DOCK9: variants seen among roughly 807,000 people sequenced by gnomAD.
The protein encoded by DOCK9 is dedicator of cytokinesis 9.
A neutral mutation model predicts 263.3 loss-of-function variants in DOCK9; 89 were observed. The ratio of observed to expected loss-of-function variants is 0.34; its 90% CI spans 0.28 to 0.40. The LOEUF is 0.40. DOCK9 is among the 10% of genes least tolerant of loss of function. The probability of loss-of-function intolerance (pLI) is 1.00; values close to 1 mark genes in which losing one functional copy is unlikely to be tolerated. For missense variants in DOCK9, 2,140 were observed against 2,603.4 expected (o/e 0.82, Z 3.87); for synonymous variants, 976 against 973.1 (o/e 1.00, Z -0.06).
chr13:99,043,891 C>G (rs986770749), intron 1 of DOCK9, among the ~76,000 whole-genome samples: 1 of 152,150 alleles, frequency 6.6e-6, no homozygotes, highest in South Asian at 2.1e-4. Context: ...CAGGACAATA[C>G]TGGTGTGACC....
At chr13:99,020,201 C>T (rs1885917264) in intron 1 of DOCK9, among the ~76,000 whole-genome samples, 1 of 152,188 alleles carries the variant, frequency 6.6e-6, no homozygotes. Flanking sequence ...GGAGAGAACT[C>T]AACAAGAAAT....
intron 45 of DOCK9, among the ~76,000 whole-genome samples, chr13:98,814,660 C>T (rs2091644074): frequency 6.6e-6 from 1 of 152,110 alleles, no homozygotes; most frequent in South Asian, 2.1e-4. Flanking sequence ...CCCATCTCGG[C>T]CTCCCTAAGT....
intron 1 of DOCK9, among the ~76,000 whole-genome samples, chr13:99,033,931 G>A (rs746285944): frequency 6.6e-6 from 1 of 152,100 alleles, no homozygotes; most frequent in African/African-American, 2.4e-5. Flanking sequence ...AACTTCAGGG[G>A]GTCTGTGACA....
intron 27 of DOCK9, among the ~76,000 whole-genome samples, chr13:98,872,775 C>A (rs1386665305): frequency 4.6e-5 from 7 of 152,176 alleles, no homozygotes; most frequent in Non-Finnish European, 1.0e-4. Flanking sequence ...CTATAATCTG[C>A]ATGTTTACCT....
chr13:99,074,374 T>C (rs971685527), intron 1 of DOCK9, among the ~76,000 whole-genome samples: 6 of 152,246 alleles, frequency 3.9e-5, no homozygotes, highest in African/African-American at 1.4e-4. Flanking sequence ...TCAATGTCTA[T>C]GGTATTACAC....
chr13:98,833,776 C>A (rs1288160992), intron 39 of DOCK9, among the ~76,000 whole-genome samples: 2 of 152,194 alleles, frequency 1.3e-5, no homozygotes, highest in African/African-American at 2.4e-5. Context: ...CTTTTATTTT[C>A]CAATCACTTT....
At chr13:98,843,078 G>T (rs1284419103) in intron 38 of DOCK9, among the ~76,000 whole-genome samples, 1 of 152,180 alleles carries the variant, frequency 6.6e-6, no homozygotes, top group Non-Finnish European at 1.5e-5. Flanking sequence ...GCTCCCTGCT[G>T]GTCAAGCTGA....
At position 98,820,456 on chromosome 13, in the gene DOCK9, G is replaced by C. The variant is rs149242811; in HGVS notation, c.5130+3942C>G. On this transcript the variant is annotated intron_variant, in intron 45 of 52. Coordinates refer to ENST00000682017, the MANE Select transcript of DOCK9 (RefSeq NM_001366683.2). ...TCCCAAGAGAGGGTTCTTGGACCTA[G>C]TGTAAGAAAGAATTCAGGGCAAGTC... Among the ~76,000 whole-genome samples the C allele has an allele frequency of 9.8e-4, 150 of 152,308 alleles. 1 individual carries two copies. Among genetic ancestry groups the C allele is most frequent in the African/African-American group, 3.4e-3 (141 of 41,566 alleles).
chr13:98,947,062 T>G (rs1041190782), intron 2 of DOCK9, among the ~76,000 whole-genome samples: 9 of 152,346 alleles, frequency 5.9e-5, no homozygotes, highest in African/African-American at 2.2e-4. Context: ...CTCTCAGGGC[T>G]GGACTTCTGC....
At chr13:98,968,905 A>C (rs2141286645) in intron 1 of DOCK9, among the ~76,000 whole-genome samples, 1 of 152,346 alleles carries the variant, frequency 6.6e-6, no homozygotes, top group African/African-American at 2.4e-5. Context: ...TCTCCCTGGA[A>C]GAGCCATCTT....
At chr13:98,902,007 A>C (rs775571492) in intron 12 of DOCK9, 107 bp from the exon 13 acceptor site, 2 of 1,386,766 alleles carry the variant, frequency 1.4e-6, no homozygotes, top group Non-Finnish European at 1.9e-6. Context: ...ACTAGTAAAA[A>C]GCACCCAGTG....
At chr13:98,855,853 T>C in intron 34 of DOCK9, 45 bp downstream of exon 34, 3 of 1,608,418 alleles carry the variant, frequency 1.9e-6, no homozygotes, top group Non-Finnish European at 1.7e-6. Flanking sequence ...TTGGGCTAAA[T>C]CCATTGATTA....
chr13:98,915,537 A>C (rs771929510), intron 7 of DOCK9, 34 bp from the exon 8 acceptor site: 2 of 1,579,082 alleles, frequency 1.3e-6, no homozygotes, highest in East Asian at 4.5e-5. Flanking sequence ...GACATACTTT[A>C]AAAGAATTAG....
At chr13:98,880,704 A>G (rs747194174) in intron 25 of DOCK9, 32 bp from the exon 26 acceptor site, 2 of 1,607,130 alleles carry the variant, frequency 1.2e-6, no homozygotes, top group African/African-American at 1.3e-5. Context: ...ACTTTAATGC[A>G]CTGGCTCTCC....
chr13:98,829,622 A>C lies in DOCK9; in HGVS notation c.4749+21T>G. 1 of 1,590,260 alleles carries C rather than the reference A, an allele frequency of 6.3e-7. No individual in the cohort carries two copies. Among genetic ancestry groups the C allele is most frequent in the Non-Finnish European group, 8.6e-7 (1 of 1,166,978 alleles). On this transcript the variant is annotated intron_variant, in intron 42 of 52. Transcript: ENST00000682017. This position sits in a 1 kb window ranked among gnomAD's most constrained non-coding sequence, Gnocchi z 4.1. ...TGATGCAGAGTCTCAGGGTGAAACTAACATGGGCCAGGCTACCCACCTTAA... is the reference window on the plus strand; with the variant it reads ...TGATGCAGAGTCTCAGGGTGAAACTCACATGGGCCAGGCTACCCACCTTAA...
chr13:98,882,175 G>A (rs368539838), intron 23 of DOCK9, among the ~76,000 whole-genome samples, 168 bp from the exon 24 acceptor site: 1 of 152,182 alleles, frequency 6.6e-6, no homozygotes, highest in African/African-American at 2.4e-5. Flanking sequence ...CTCAGCACAT[G>A]TGAATACATC....
At chr13:98,881,663 G>A (rs758903227) in intron 24 of DOCK9, 36 bp from the exon 25 acceptor site, 1 of 1,566,322 alleles carries the variant, frequency 6.4e-7, no homozygotes, top group Non-Finnish European at 8.7e-7. Context: ...CAAAGAATAT[G>A]TAAAAATGGA....
chr13:98,880,625 C>A lies in DOCK9; in HGVS notation c.2793G>T (p.Val931=), dbSNP rs752584164. Residue 931 remains valine, a synonymous_variant, in exon 26 of 53, where the codon GTG becomes GTT. Transcript: ENST00000682017. ...TCATGGATTTGGTCAGTTCTTCATG[C>A]ACTGTCTTGTATTCAGAGGCAACAT... The part of the protein sequence containing the change: ...EPYVASEYKT[V]HEELTKSMTT... 9 of 1,613,860 alleles carry A rather than the reference C, an allele frequency of 5.6e-6. No individual in the cohort carries two copies. Among genetic ancestry groups the A allele is most frequent in the Non-Finnish European group, 7.6e-6 (9 of 1,179,852 alleles).
chr13:98,962,446 C>T (rs573264793), intron 1 of DOCK9, among the ~76,000 whole-genome samples: 25 of 152,160 alleles, frequency 1.6e-4, no homozygotes, highest in Non-Finnish European at 2.8e-4. Context: ...CTGATAGGGT[C>T]GTGTGTCCAC....
Sources: gnomAD v4.1 joint callset for allele counts (sites outside exome capture counted in the v4.1 genomes callset) on GRCh38, gnomAD v4.1.1 for gene constraint, Gnocchi (gnomAD v3.1) non-coding constraint, MANE v1.5 for transcripts, NCBI Gene and HGNC (gene_info 2026-07-23, HGNC 2026-07-21) for gene names.